Variants in PAN3 observed in about 807,000 individuals in gnomAD.
The protein encoded by PAN3 is PAN2-PAN3 deadenylation complex subunit PAN3.
PAN3 carries 19 observed loss-of-function variants against 96.2 expected under a neutral mutation model. The observed-to-expected ratio is 0.20, with a 90% CI of 0.14 to 0.29. PAN3 has a LOEUF of 0.29. Among genes scored for constraint, PAN3 ranks in the 10% least tolerant of loss-of-function variants. The pLI, the probability that PAN3 is intolerant of heterozygous loss-of-function variation, is 1.00. For synonymous variants in PAN3, 433 were observed against 406.6 expected (o/e 1.06, Z -0.78); for missense variants, 882 against 1,108.1 (o/e 0.80, Z 2.90).
chr13:28,239,236 CTT>C (rs1252743267), intron 6 of PAN3, among the ~76,000 whole-genome samples: 1 of 143,884 alleles, frequency 7.0e-6, no homozygotes, highest in Non-Finnish European at 1.5e-5. Context: ...AAGTAACCAA[CTT>C]GTCAAAGAAA....
chr13:28,180,599 C>T (rs1441390097), intron 4 of PAN3, among the ~76,000 whole-genome samples: 2 of 152,144 alleles, frequency 1.3e-5, no homozygotes, highest in East Asian at 1.9e-4. Context: ...TTTATCTCAG[C>T]AGGCTAGCAT....
intron 6 of PAN3, among the ~76,000 whole-genome samples, chr13:28,236,180 T>C (rs1883090262): frequency 6.6e-6 from 1 of 152,230 alleles, no homozygotes; most frequent in African/African-American, 2.4e-5. Context: ...TATGGTAGAA[T>C]GTGAACTGTG....
intron 7 of PAN3, among the ~76,000 whole-genome samples, chr13:28,257,956 G>T (rs1054468961): frequency 6.6e-5 from 10 of 151,362 alleles, no homozygotes. Context: ...GACTACAGAC[G>T]CACACCACCA....
chr13:28,277,725 C>G (rs1481344175), intron 15 of PAN3, among the ~76,000 whole-genome samples: 3 of 152,218 alleles, frequency 2.0e-5, no homozygotes, highest in African/African-American at 7.2e-5. Flanking sequence ...CATGTAATTA[C>G]TGGCTAATAT....
chr13:28,193,736 TAAA>T (rs35597675), intron 4 of PAN3, among the ~76,000 whole-genome samples: 1 of 108,186 alleles, frequency 9.2e-6, no homozygotes, highest in Non-Finnish European at 1.8e-5. Flanking sequence ...GACCCTGACT[TAAA>T]AAAAAAAAAA....
In PAN3 at chr13:28,256,284, T is replaced by C; in HGVS notation, c.1001-8T>C. On this transcript the variant is annotated splice_polypyrimidine_tract_variant and splice_region_variant and intron_variant, in intron 6 of 18. Coordinates refer to ENST00000380958, the MANE Select transcript of PAN3 (RefSeq NM_175854.8). ...CTCCATTAAGAAACATTTTTACATC[T>C]TCTTCAGGAATGTCGTTGTCTGCTG... 1.9e-6 allele frequency: 3 copies of C among 1,607,352 alleles called. No homozygotes were observed. In the African/African-American group the frequency reaches 4.0e-5, roughly 22 times the overall value.
At chr13:28,159,431 A>G (rs1872630954) in intron 1 of PAN3, among the ~76,000 whole-genome samples, 1 of 152,170 alleles carries the variant, frequency 6.6e-6, no homozygotes. Context: ...GAAGGGAACA[A>G]TAGACACCGG....
intron 1 of PAN3, among the ~76,000 whole-genome samples, chr13:28,162,616 C>T (rs1157439142): frequency 1.3e-5 from 2 of 151,372 alleles, no homozygotes; most frequent in African/African-American, 4.9e-5. Flanking sequence ...CACTGCACTC[C>T]AACCTGGGCA....
At chr13:28,208,950 T>C (rs1482338360) in intron 5 of PAN3, among the ~76,000 whole-genome samples, 1 of 152,214 alleles carries the variant, frequency 6.6e-6, no homozygotes, top group African/African-American at 2.4e-5. Flanking sequence ...GGTCCTTCTG[T>C]ATTCTGTGGG....
chr13:28,144,104 G>C (rs1473191171), intron 1 of PAN3, among the ~76,000 whole-genome samples: 1 of 151,678 alleles, frequency 6.6e-6, no homozygotes, highest in Non-Finnish European at 1.5e-5. Context: ...TAAGGTGATA[G>C]GAACAACAAC....
intron 5 of PAN3, among the ~76,000 whole-genome samples, chr13:28,213,792 AAGT>A (rs2138338164): frequency 6.6e-6 from 1 of 152,316 alleles, no homozygotes; most frequent in South Asian, 2.1e-4. Flanking sequence ...AATGCATTAA[AAGT>A]AGTCAAAAAA....
intron 6 of PAN3, among the ~76,000 whole-genome samples, chr13:28,234,252 A>C (rs1168086232): frequency 6.6e-6 from 1 of 152,172 alleles, no homozygotes; most frequent in Non-Finnish European, 1.5e-5. Flanking sequence ...GTTGGAATGC[A>C]GTGGAGTGAT....
chr13:28,225,373 C>CA (rs1444731900), intron 6 of PAN3, among the ~76,000 whole-genome samples: 1 of 151,968 alleles, frequency 6.6e-6, no homozygotes, highest in Non-Finnish European at 1.5e-5. Context: ...AGTTCTGTGC[C>CA]AAAAAACAAA....
intron 17 of PAN3, among the ~76,000 whole-genome samples, chr13:28,286,242 T>C (rs1421940485): frequency 6.6e-6 from 1 of 152,214 alleles, no homozygotes; most frequent in East Asian, 1.9e-4. Context: ...CAGCCAGGGT[T>C]TGGGAACCAC....
chr13:28,248,688 A>G (rs1884438969), intron 6 of PAN3, among the ~76,000 whole-genome samples: 1 of 151,862 alleles, frequency 6.6e-6, no homozygotes, highest in Non-Finnish European at 1.5e-5. Context: ...CCATACCCTA[A>G]TTTTTTGAAT....
intron 6 of PAN3, among the ~76,000 whole-genome samples, chr13:28,226,248 C>A (rs1279832959): frequency 2.0e-5 from 3 of 152,012 alleles, no homozygotes; most frequent in African/African-American, 7.3e-5. Context: ...AAATTGTAAC[C>A]ATATTTATAT....
At chr13:28,278,028 A>G (rs1566255380) in intron 15 of PAN3, among the ~76,000 whole-genome samples, 2 of 152,274 alleles carry the variant, frequency 1.3e-5, no homozygotes, top group Non-Finnish European at 2.9e-5. Flanking sequence ...AGATATAGCT[A>G]CTATTGGGAG....
At chr13:28,258,169 A>G (rs536077163) in intron 7 of PAN3, among the ~76,000 whole-genome samples, 111 of 152,220 alleles carry the variant, frequency 7.3e-4, no homozygotes, top group African/African-American at 2.5e-3. Context: ...AAGAGATATT[A>G]TTCTCCCTGC....
intron 5 of PAN3, among the ~76,000 whole-genome samples, chr13:28,200,510 T>C (rs1015390512): frequency 1.3e-5 from 2 of 152,162 alleles, no homozygotes; most frequent in Non-Finnish European, 2.9e-5. Flanking sequence ...CATACTGCAT[T>C]TATTCTCTTC....
Sources: gnomAD v4.1 joint callset for allele counts (sites outside exome capture counted in the v4.1 genomes callset) on GRCh38, gnomAD v4.1.1 for gene constraint, MANE v1.5 for transcripts, NCBI Gene and HGNC (gene_info 2026-07-23, HGNC 2026-07-21) for gene names.